THADA: variants seen among roughly 807,000 people sequenced by gnomAD.
THADA encodes the protein THADA armadillo repeat containing.
A neutral mutation model predicts 219.8 loss-of-function variants in THADA; 213 were observed. The observed-to-expected ratio is 0.97, with a 90% CI of 0.87 to 1.09. The LOEUF (loss-of-function observed/expected upper bound fraction) is 1.09. THADA is among the 50% of genes least tolerant of loss of function. The pLI, the probability that THADA is intolerant of heterozygous loss-of-function variation, is 0.00. For missense variants in THADA, 2,956 were observed against 2,311.3 expected (o/e 1.28, Z -5.72); for synonymous variants, 1,018 against 828.9 (o/e 1.23, Z -3.92).
rs2104228007 is a variant in THADA at position 43,264,671 on chromosome 2, T to G, written c.5296+15094A>C. Among the ~76,000 whole-genome samples the G allele has an allele frequency of 2.0e-5, 3 of 151,986 alleles. No homozygotes were observed. In the South Asian group the frequency reaches 6.2e-4, roughly 32 times the overall value. ...GACTCAGTGCTGTTTGTAGCCAAGG[T>G]GGAAATTTCAGATTCCTAGATCTAC... On this transcript the variant is annotated intron_variant, in intron 36 of 37. Transcript: ENST00000405975.
At chr2:43,416,064 A>C (rs1306666381) in intron 28 of THADA, among the ~76,000 whole-genome samples, 1 of 152,210 alleles carries the variant, frequency 6.6e-6, no homozygotes, top group African/African-American at 2.4e-5. Flanking sequence ...TCTTCAGTAG[A>C]ATTATGCAGG....
intron 31 of THADA, among the ~76,000 whole-genome samples, chr2:43,304,646 G>C (rs998791045): frequency 2.6e-5 from 4 of 151,278 alleles, no homozygotes; most frequent in African/African-American, 9.7e-5. Context: ...AAAAAAGTAG[G>C]AGACGAAAAA....
At chr2:43,491,242 A>G (rs940404947) in intron 25 of THADA, among the ~76,000 whole-genome samples, 15 of 152,240 alleles carry the variant, frequency 9.9e-5, no homozygotes, top group African/African-American at 3.1e-4. Flanking sequence ...TTCACTGACA[A>G]TAAATGCTAA....
intron 26 of THADA, among the ~76,000 whole-genome samples, chr2:43,458,599 A>G (rs1481588491): frequency 3.3e-5 from 5 of 152,228 alleles, no homozygotes; most frequent in East Asian, 3.9e-4. Context: ...TTCAACCCCT[A>G]CTGTCACTAT....
chr2:43,551,770 G>A lies in THADA; in HGVS notation c.2947+19C>T, dbSNP rs1455222678. 6.2e-7 allele frequency: 1 copy of A among 1,606,778 alleles called. No individual in the cohort carries two copies. Among genetic ancestry groups the A allele is most frequent in the Admixed American group, 1.7e-5 (1 of 58,656 alleles). On this transcript the variant is annotated intron_variant, in intron 19 of 37. Transcript: ENST00000405975. ...TAATCAAACCACAGCACTCTAGCCG[G>A]CCTTCTTCATTTGCTAACCTGAATC...
intron 29 of THADA, among the ~76,000 whole-genome samples, chr2:43,382,344 G>T (rs1033426173): frequency 2.0e-5 from 3 of 152,162 alleles, no homozygotes; most frequent in Non-Finnish European, 1.5e-5. Flanking sequence ...GAAACTTTCT[G>T]TACTATCTTA....
chr2:43,566,885 T>C, intron 14 of THADA, 64 bp from the exon 15 acceptor site: 1 of 1,180,928 alleles, frequency 8.5e-7, no homozygotes, highest in Non-Finnish European at 1.1e-6. Context: ...ATTCAGAGTA[T>C]TAAACACCCT....
chr2:43,414,982 G>A (rs1186346636), intron 28 of THADA, among the ~76,000 whole-genome samples: 1 of 152,204 alleles, frequency 6.6e-6, no homozygotes, highest in Admixed American at 6.5e-5. Flanking sequence ...ATGCTTCACT[G>A]AAAACATGAG....
At chr2:43,401,943 T>G (rs1158402630) in intron 28 of THADA, among the ~76,000 whole-genome samples, 2 of 144,274 alleles carry the variant, frequency 1.4e-5, no homozygotes, top group African/African-American at 5.0e-5. Flanking sequence ...TTTGTTGTTT[T>G]TTTTTTTAAA....
At chr2:43,326,122 A>G (rs1679294759) in intron 30 of THADA, among the ~76,000 whole-genome samples, 1 of 151,196 alleles carries the variant, frequency 6.6e-6, no homozygotes. Context: ...AAACATATGC[A>G]TTAGGTCATA....
chr2:43,440,455 A>G (rs1680708804), intron 26 of THADA, among the ~76,000 whole-genome samples: 1 of 152,218 alleles, frequency 6.6e-6, no homozygotes. Context: ...TTACACAGGG[A>G]GAAAGCAAAA....
At chr2:43,583,826 T>C (rs1045899273) in intron 7 of THADA, among the ~76,000 whole-genome samples, 1 of 152,010 alleles carries the variant, frequency 6.6e-6, no homozygotes, top group Non-Finnish European at 1.5e-5. Flanking sequence ...GGGGACTGCT[T>C]GCGCTTAAGA....
At chr2:43,265,361 A>G (rs1372404863) in intron 36 of THADA, among the ~76,000 whole-genome samples, 1 of 152,238 alleles carries the variant, frequency 6.6e-6, no homozygotes, top group Non-Finnish European at 1.5e-5. Context: ...AGGACTCACA[A>G]TCAGAGCCTC....
At chr2:43,300,419 CAG>C (rs1238938741) in intron 31 of THADA, among the ~76,000 whole-genome samples, 3 of 152,054 alleles carry the variant, frequency 2.0e-5, no homozygotes, top group African/African-American at 7.2e-5. Flanking sequence ...GATGAGGAAA[CAG>C]AGAGGTGAAG....
intron 31 of THADA, among the ~76,000 whole-genome samples, chr2:43,314,509 C>A (rs985290370): frequency 6.6e-6 from 1 of 152,078 alleles, no homozygotes; most frequent in African/African-American, 2.4e-5. Context: ...AACAGAAAGT[C>A]CATCTGTCAA....
At chr2:43,582,281 G>A (rs1700541046) in intron 7 of THADA, among the ~76,000 whole-genome samples, 1 of 152,120 alleles carries the variant, frequency 6.6e-6, no homozygotes, top group African/African-American at 2.4e-5. Context: ...TAGATCATTT[G>A]AGGTCTGGAG....
At position 43,232,789 on chromosome 2, in the gene THADA, G is replaced by A. The variant is rs527393662; in HGVS notation, c.5390C>T (p.Pro1797Leu). Residue 1797 changes from proline to leucine, a missense_variant, in exon 37 of 38, where the codon CCT (proline) becomes CTT (leucine). By Grantham distance (98) the Pro-to-Leu change is moderately conservative. Transcript: ENST00000405975. ...DLLQQWDQLA[P>L]GLPILLGWLL... The stretch of plus-strand genomic sequence containing the variant: ...CCATCCCAGCAGGATGGGCAGTCCA[G>A]GGGCCAACTGGTCCCACTGCTGGAG... 5.0e-6 allele frequency: 8 copies of A among 1,613,526 alleles called. No individual in the cohort carries two copies. The African/African-American group carries it at 1.1e-4, about 22-fold the overall frequency.
At chr2:43,561,737 TA>T (rs374003167) in intron 15 of THADA, among the ~76,000 whole-genome samples, 19 of 151,916 alleles carry the variant, frequency 1.3e-4, no homozygotes, top group African/African-American at 2.4e-4. Context: ...CACTGCTTTT[TA>T]TTTTTTTCTT....
intron 15 of THADA, chr2:43,564,028 T>A (rs758633100): frequency 6.6e-6 from 1 of 152,228 alleles, no homozygotes; most frequent in Non-Finnish European, 1.5e-5. Flanking sequence ...ATTAAATTAC[T>A]CTCTTGACTG....
Sources: allele counts gnomAD v4.1 joint callset (sites outside exome capture counted in the v4.1 genomes callset), GRCh38; gene constraint gnomAD v4.1.1; transcripts MANE v1.5; gene names NCBI Gene and HGNC (gene_info 2026-07-23, HGNC 2026-07-21).